The following EP400 variants were observed in gnomAD, a reference collection of about 807,000 sequenced individuals.
The protein encoded by EP400 is E1A-binding protein p400.
A neutral mutation model predicts 354.1 loss-of-function variants in EP400; 105 were observed. The ratio of observed to expected loss-of-function variants is 0.30; its 90% confidence interval spans 0.25 to 0.35. The LOEUF is 0.35. Among genes scored for constraint, EP400 ranks in the 10% least tolerant of loss-of-function variants. The probability of loss-of-function intolerance (pLI) is 1.00; values close to 1 mark genes in which losing one functional copy is unlikely to be tolerated. For synonymous variants in EP400, 1,646 were observed against 1,716.9 expected, an observed-to-expected ratio of 0.96 and a Z score of 1.02; for missense variants, 3,280 against 4,121.0, an observed-to-expected ratio of 0.80 and a Z score of 5.59.
At chr12:131,996,657 T>C (rs941407855) in intron 12 of EP400, among the ~76,000 whole-genome samples, 1 of 152,214 alleles carries the variant, frequency 6.6e-6, no homozygotes, top group African/African-American at 2.4e-5. Flanking sequence ...ATTCTTTAAT[T>C]GCTGTAACAC....
Position 132,013,460 on chromosome 12 carries a change from C to G in EP400, c.3612-30C>G, listed in dbSNP as rs1278299527. The stretch of plus-strand genomic sequence containing the variant: ...TGCAGCCAGCCCCGTGGCTGTAGAA[C>G]TCCAGTGTTGTCTCTTGTCCTGTTT... On this transcript the variant is annotated intron_variant, in intron 17 of 52. Transcript: ENST00000389561. This position sits in a 1 kb window ranked among gnomAD's most constrained non-coding sequence, Gnocchi z 4.5. The G allele has an allele frequency of 7.2e-6, 11 of 1,529,578 alleles. No individual in the cohort carries two copies. Among genetic ancestry groups the G allele is most frequent in the Non-Finnish European group, 9.7e-6 (11 of 1,138,354 alleles). The allele number at this position is 1,529,578 out of a possible 1,614,324, so 94.8% of individuals were successfully genotyped here.
intron 45 of EP400, among the ~76,000 whole-genome samples, chr12:132,058,513 G>GGCTAATTTTTT (rs200327089): frequency 0.014 from 2,184 of 152,056 alleles, 53 homozygotes; most frequent in African/African-American, 0.05. Flanking sequence ...CACCGTACCT[G>GGCTAATTTTTT]GCTAATTTTT....
intron 1 of EP400, among the ~76,000 whole-genome samples, chr12:131,951,778 A>G (rs1387612794): frequency 1.8e-5 from 2 of 113,388 alleles, no homozygotes; most frequent in Non-Finnish European, 3.8e-5. Flanking sequence ...ATTTTTTTGT[A>G]TTGTTTGTTT....
chr12:132,043,756 A>C (rs762342971), intron 34 of EP400, 28 bp downstream of exon 34: 1 of 1,570,718 alleles, frequency 6.4e-7, no homozygotes, highest in East Asian at 2.2e-5. Flanking sequence ...TGGTCAGTGA[A>C]AAAAATTTGC....
chr12:131,988,289 G>A (rs79485473), intron 7 of EP400, among the ~76,000 whole-genome samples: 1,549 of 152,294 alleles, frequency 0.01, 16 homozygotes, highest in Admixed American at 0.015. Context: ...CCCAGCATGC[G>A]TTGTTGGGAT....
At chr12:132,044,139 C>G (rs1454474800) in intron 34 of EP400, 38 bp from the exon 35 acceptor site, 2 of 1,610,638 alleles carry the variant, frequency 1.2e-6, no homozygotes, top group Admixed American at 3.3e-5. Flanking sequence ...CTGAGCTGCA[C>G]TCCTGATCCT....
At chr12:132,037,908 C>T in intron 31 of EP400, 45 bp from the exon 32 acceptor site, 1 of 1,613,652 alleles carries the variant, frequency 6.2e-7, no homozygotes, top group Non-Finnish European at 8.5e-7. Context: ...GTCAGATGCA[C>T]ACTTGGACCT....
chr12:131,999,391 A>G (rs756122019), intron 12 of EP400, among the ~76,000 whole-genome samples: 10 of 152,270 alleles, frequency 6.6e-5, no homozygotes, highest in Middle Eastern at 3.4e-3. Flanking sequence ...TTATAAGATT[A>G]GTGAAGTTTG....
In EP400 at chr12:132,011,508, C is replaced by T; in HGVS notation, c.3315C>T (p.Gly1105=). ...TTTTTTGCTTTGTAGGTAATTGGGG[C>T]CCCCATCTTGTTGTTGTGAGAAGTT... ...AHLACNEGNW[G]PHLVVVRSCN... is the part of the protein sequence containing the mutation. The change falls in exon 16 of 53, where the codon GGC becomes GGT. Residue 1105 remains glycine, a synonymous_variant. Coordinates refer to ENST00000389561, the MANE Select transcript of EP400 (RefSeq NM_015409.5). 1.9e-6 allele frequency: 3 copies of T among 1,612,372 alleles called. No individual in the cohort carries two copies. Among genetic ancestry groups the T allele is most frequent in the Non-Finnish European group, 2.5e-6 (3 of 1,179,568 alleles).
At chr12:131,954,673 C>T (rs987193714) in intron 1 of EP400, among the ~76,000 whole-genome samples, 16 of 136,132 alleles carry the variant, frequency 1.2e-4, no homozygotes, top group African/African-American at 3.8e-4. Context: ...CGCAGTGAGC[C>T]GAAATCACGC....
At chr12:131,974,603 A>G (rs932695919) in intron 2 of EP400, among the ~76,000 whole-genome samples, 1 of 152,146 alleles carries the variant, frequency 6.6e-6, no homozygotes. Flanking sequence ...TGTCTCTCCT[A>G]AATGGGCACC....
intron 1 of EP400, among the ~76,000 whole-genome samples, chr12:131,955,894 C>T (rs1436647282): frequency 6.6e-6 from 1 of 152,230 alleles, no homozygotes; most frequent in Admixed American, 6.5e-5. Context: ...GATCCGCCCG[C>T]CTCGGCCTCC....
chr12:132,067,084 GTGCCATCA>G lies in EP400; in HGVS notation c.8749+116_8749+123del. On this transcript the variant is annotated intron_variant, in intron 49 of 52. Transcript: ENST00000389561. This position sits in a 1 kb window ranked among gnomAD's most constrained non-coding sequence, Gnocchi z 5.3. ...TTTCCTCACACCCACCCACTTGAGC[GTGCCATCA>G]CGTGTTCTAGCACAAACGTGCCTTG... 7.6e-7 allele frequency: 1 copy of G among 1,319,338 alleles called. No individual in the cohort carries two copies. The allele number at this position is 1,319,338 out of a possible 1,614,324, so 81.7% of individuals were successfully genotyped here.
At chr12:132,036,891 G>T (rs1894737052) in intron 30 of EP400, among the ~76,000 whole-genome samples, 1 of 152,064 alleles carries the variant, frequency 6.6e-6, no homozygotes, top group Non-Finnish European at 1.5e-5. Flanking sequence ...TTGTGTCTGG[G>T]TTCACGTCTT....
At position 132,017,912 on chromosome 12, in the gene EP400, A is replaced by G. The variant is rs1282255307; in HGVS notation, c.4110+191A>G. 6.6e-6 allele frequency among the ~76,000 whole-genome samples: 1 copy of G among 152,222 alleles called. No individual in the cohort carries two copies. The highest frequency in any genetic ancestry group is 1.5e-5 in the Non-Finnish European group (1 of 68,030). ...TTGCCGGAGTGTTCCACCTCCGGAA[A>G]TTTACCCGAGGGAGACAGGCTCACA... On this transcript the variant is annotated intron_variant, in intron 20 of 52. Coordinates refer to ENST00000389561, the MANE Select transcript of EP400 (RefSeq NM_015409.5). This position sits in a 1 kb window ranked among gnomAD's most constrained non-coding sequence, Gnocchi z 5.0.
intron 48 of EP400, 139 bp downstream of exon 48, chr12:132,065,025 C>G: frequency 2.1e-6 from 3 of 1,424,270 alleles, no homozygotes; most frequent in Non-Finnish European, 2.8e-6. Flanking sequence ...ACTTAGTACC[C>G]CTTGGACAGA....
chr12:132,054,954 G>C lies in EP400; in HGVS notation c.7729-20G>C, dbSNP rs762093898. The C allele has an allele frequency of 2.9e-5, 46 of 1,597,056 alleles. No homozygotes were observed. The highest frequency in any genetic ancestry group is 3.9e-5 in the Non-Finnish European group (45 of 1,165,004). ...GAGAGCCTGACGTGAAATTCAAATG[G>C]ATTTTTTTTTTTTAAATAGGCAGGA... is the stretch of plus-strand genomic sequence containing the variant. On this transcript the variant is annotated intron_variant, in intron 43 of 52. Transcript: ENST00000389561. The surrounding 1 kb of genome is among the most constrained non-coding windows in gnomAD (Gnocchi z 4.0).
chr12:131,981,034 C>T (rs963682553), intron 3 of EP400, among the ~76,000 whole-genome samples: 4 of 152,186 alleles, frequency 2.6e-5, no homozygotes, highest in Non-Finnish European at 5.9e-5. Flanking sequence ...GTCATTTAAT[C>T]CTCATTGATC....
chr12:132,066,879 G>C lies in EP400; in HGVS notation c.8659G>C (p.Ala2887Pro). ...GAAGCCTCCGGTGGTGTCCGTCCCG[G>C]CAGCTGTGGTCTCCTCACCGGGAGT... Reference protein sequence around the residue: ...LAKPPVVSVPAAVVSSPGVTT... With the variant: ...LAKPPVVSVPPAVVSSPGVTT... Residue 2887 changes from alanine to proline, a missense_variant, in exon 49 of 53, where the codon GCA (alanine) becomes CCA (proline). This residue lies in a region of EP400 where 279 missense variants were observed against 386.7 expected (regional missense o/e 0.72). Coordinates refer to ENST00000389561, the MANE Select transcript of EP400 (RefSeq NM_015409.5). 6.2e-7 allele frequency: 1 copy of C among 1,613,818 alleles called. No individual in the cohort carries two copies. Among genetic ancestry groups the C allele is most frequent in the Non-Finnish European group, 8.5e-7 (1 of 1,179,918 alleles).
Sources: gnomAD v4.1 joint callset for allele counts (sites outside exome capture counted in the v4.1 genomes callset) on GRCh38, gnomAD v4.1.1 for gene constraint, gnomAD v4.1.1 regional missense constraint, Gnocchi (gnomAD v3.1) non-coding constraint, MANE v1.5 for transcripts, NCBI Gene and HGNC (gene_info 2026-07-23, HGNC 2026-07-21) for gene names.